CTNND2: variants seen among roughly 807,000 people sequenced by gnomAD.
CTNND2 encodes catenin delta 2, also known as catenin delta-2.
CTNND2 carries 22 observed loss-of-function variants against 144.4 expected under a neutral mutation model. The ratio of observed to expected loss-of-function variants is 0.15; its 90% CI spans 0.11 to 0.22. The LOEUF (loss-of-function observed/expected upper bound fraction) is 0.22. Ranked by LOEUF, CTNND2 falls within the 10% of genes least tolerant of loss-of-function variation. CTNND2 has a pLI of 1.00. For synonymous variants in CTNND2, 751 were observed against 695.6 expected (o/e 1.08, Z -1.25); for missense variants, 1,353 against 1,618.8 (o/e 0.84, Z 2.82).
At chr5:11,291,394 A>G (rs1256830570) in intron 9 of CTNND2, among the ~76,000 whole-genome samples, 1 of 151,868 alleles carries the variant, frequency 6.6e-6, no homozygotes, top group East Asian at 1.9e-4. Context: ...TCTCCTATTC[A>G]TTGGTCCCAA....
rs1735938021 is a variant in CTNND2, at chr5:10,972,409, TCA to T, written c.*1042_*1043del. On this transcript the variant is annotated 3_prime_UTR_variant, in exon 22 of 22. Coordinates refer to ENST00000304623, the MANE Select transcript of CTNND2 (RefSeq NM_001332.4). ...AAATAGCTTCTGTCAAAATAAAATC[TCA>T]CACAGGTAATTTTTCTAGTACGTGG... 6.6e-6 allele frequency: 1 copy of T among 152,160 alleles called. No individual in the cohort carries two copies. Among genetic ancestry groups the T allele is most frequent in the Non-Finnish European group, 1.5e-5 (1 of 68,028 alleles). 9.4% of individuals were successfully genotyped at this position (152,160 alleles called of 1,614,324 possible).
chr5:11,394,118 C>G (rs1759866180), intron 6 of CTNND2, among the ~76,000 whole-genome samples: 1 of 152,170 alleles, frequency 6.6e-6, no homozygotes, highest in Non-Finnish European at 1.5e-5. Context: ...CTGCACTCCC[C>G]CATGCACTTT....
chr5:11,173,081 C>A (rs1219161609), intron 11 of CTNND2, among the ~76,000 whole-genome samples: 1 of 152,258 alleles, frequency 6.6e-6, no homozygotes, highest in Non-Finnish European at 1.5e-5. Context: ...ATATACAACA[C>A]TGTAATGTCT....
At chr5:11,338,371 G>A (rs1753924866) in intron 9 of CTNND2, among the ~76,000 whole-genome samples, 2 of 152,016 alleles carry the variant, frequency 1.3e-5, no homozygotes, top group African/African-American at 2.4e-5. Flanking sequence ...GGACCCCATG[G>A]GTTGTCAGCT....
chr5:11,399,704 G>C (rs1760464689), intron 5 of CTNND2, among the ~76,000 whole-genome samples: 1 of 152,136 alleles, frequency 6.6e-6, no homozygotes, highest in Non-Finnish European at 1.5e-5. Flanking sequence ...AAGTAACCAG[G>C]ATTTTCTATC....
intron 1 of CTNND2, among the ~76,000 whole-genome samples, chr5:11,901,088 T>C (rs947365139): frequency 6.6e-6 from 1 of 152,232 alleles, no homozygotes; most frequent in African/African-American, 2.4e-5. Context: ...TTGTTACAGC[T>C]GTATACACTG....
chr5:11,324,818 T>C (rs761624176), intron 9 of CTNND2, among the ~76,000 whole-genome samples: 1 of 152,236 alleles, frequency 6.6e-6, no homozygotes, highest in Non-Finnish European at 1.5e-5. Context: ...TTATTTGCTG[T>C]GTATTAATTG....
At chr5:11,312,811 A>C (rs1751132246) in intron 9 of CTNND2, among the ~76,000 whole-genome samples, 1 of 152,222 alleles carries the variant, frequency 6.6e-6, no homozygotes, top group African/African-American at 2.4e-5. Flanking sequence ...ACGTCCCTGG[A>C]CAACTTGTCC....
At chr5:11,413,104 G>A (rs1481628514) in intron 3 of CTNND2, among the ~76,000 whole-genome samples, 1 of 152,132 alleles carries the variant, frequency 6.6e-6, no homozygotes, top group Non-Finnish European at 1.5e-5. Context: ...TCTTGCCCCT[G>A]AGTCAATCAA....
At chr5:11,354,758 A>C (rs1755688935) in intron 8 of CTNND2, among the ~76,000 whole-genome samples, 1 of 152,214 alleles carries the variant, frequency 6.6e-6, no homozygotes, top group Admixed American at 6.5e-5. Context: ...GGGACCTAAC[A>C]GACATTTATA....
chr5:11,099,445 A>G (rs972266521), intron 14 of CTNND2, among the ~76,000 whole-genome samples: 1 of 152,198 alleles, frequency 6.6e-6, no homozygotes, highest in African/African-American at 2.4e-5. Flanking sequence ...TATGGCTTAC[A>G]CGCACAAAGG....
At chr5:11,855,051 T>C (rs943939009) in intron 1 of CTNND2, among the ~76,000 whole-genome samples, 2 of 152,180 alleles carry the variant, frequency 1.3e-5, no homozygotes, top group African/African-American at 4.8e-5. Context: ...AAAATAAATC[T>C]GATTAAGACA....
chr5:11,771,084 A>G (rs977382794), intron 1 of CTNND2, among the ~76,000 whole-genome samples: 1 of 152,130 alleles, frequency 6.6e-6, no homozygotes, highest in East Asian at 1.9e-4. Flanking sequence ...CGATATACAT[A>G]TGAAATGGAA....
chr5:11,324,078 T>C (rs758459912), intron 9 of CTNND2, among the ~76,000 whole-genome samples: 10 of 152,054 alleles, frequency 6.6e-5, no homozygotes, highest in Non-Finnish European at 1.3e-4. Flanking sequence ...GGTGGAACAG[T>C]GTGAGGTTGA....
At chr5:11,021,497 G>T (rs1742250072) in intron 17 of CTNND2, among the ~76,000 whole-genome samples, 1 of 152,130 alleles carries the variant, frequency 6.6e-6, no homozygotes, top group Admixed American at 6.5e-5. Context: ...TGCCTACGTA[G>T]GATAGCACTT....
rs1411823676 is a variant in CTNND2 at position 11,879,341 on chromosome 5, G to GTATATATA, written c.37+24468_37+24475dup. 5.5e-4 allele frequency among the ~76,000 whole-genome samples: 60 copies of GTATATATA among 109,316 alleles called. 1 individual carries two copies. The highest frequency in any genetic ancestry group is 1.3e-3 in the South Asian group (4 of 3,068). The allele number at this position is 109,316 out of a possible 152,430, so 71.7% of individuals were successfully genotyped here. On this transcript the variant is annotated intron_variant, in intron 1 of 21. Transcript: ENST00000304623. Reference sequence around the variant, plus strand: ...AAGTGTATTAAAAAATTAAATGTGTGTATATATATATATATACATATACAC... The same window carrying GTATATATA: ...AAGTGTATTAAAAAATTAAATGTGTGTATATATATATATATATATATATACATATACAC...
At chr5:11,132,559 C>A (rs1053846227) in intron 12 of CTNND2, among the ~76,000 whole-genome samples, 1 of 152,138 alleles carries the variant, frequency 6.6e-6, no homozygotes, top group Non-Finnish European at 1.5e-5. Context: ...AGAACCCAAC[C>A]GTGAAGGCAC....
intron 9 of CTNND2, among the ~76,000 whole-genome samples, chr5:11,278,212 C>G (rs969124077): frequency 6.6e-6 from 1 of 152,202 alleles, no homozygotes; most frequent in African/African-American, 2.4e-5. Context: ...TCTACTCAAC[C>G]TCTACCCACT....
chr5:11,453,669 C>T (rs1448842068), intron 3 of CTNND2, among the ~76,000 whole-genome samples: 1 of 152,126 alleles, frequency 6.6e-6, no homozygotes, highest in African/African-American at 2.4e-5. Context: ...GTATTATCAG[C>T]CATGATATAT....
Sources: gnomAD v4.1 joint callset for allele counts (sites outside exome capture counted in the v4.1 genomes callset) on GRCh38, gnomAD v4.1.1 for gene constraint, MANE v1.5 for transcripts, NCBI Gene and HGNC (gene_info 2026-07-23, HGNC 2026-07-21) for gene names.